Variants in SYNE2 observed in about 807,000 individuals in gnomAD.
SYNE2 encodes nesprin-2.
SYNE2 carries 431 observed loss-of-function variants against 856.3 expected under a neutral mutation model. That is an observed-to-expected ratio of 0.50 (90% confidence interval 0.47 to 0.55). SYNE2 has a LOEUF of 0.55. SYNE2 is among the 20% of genes least tolerant of loss of function. SYNE2 has a pLI of 0.00. For synonymous variants in SYNE2, 2,923 were observed against 2,872.3 expected, an observed-to-expected ratio of 1.02 and a Z score of -0.56; for missense variants, 8,129 against 8,023.2, an observed-to-expected ratio of 1.01 and a Z score of -0.50.
At chr14:63,885,480 G>T (rs1239011395) in intron 1 of SYNE2, among the ~76,000 whole-genome samples, 2 of 152,156 alleles carry the variant, frequency 1.3e-5, no homozygotes, top group Admixed American at 1.3e-4. Flanking sequence ...ATTGCCTGTT[G>T]CAGCCTCAAC....
At chr14:63,949,710 A>T in intron 6 of SYNE2, 115 bp from the exon 7 acceptor site, 1 of 1,016,724 alleles carries the variant, frequency 9.8e-7, no homozygotes, top group Non-Finnish European at 1.6e-6. Context: ...TTTCACCAGG[A>T]GTAAACTATG....
intron 73 of SYNE2, among the ~76,000 whole-genome samples, 169 bp from the exon 74 acceptor site, chr14:64,128,283 C>T (rs1357367606): frequency 6.6e-6 from 1 of 151,952 alleles, no homozygotes; most frequent in Admixed American, 6.6e-5. Flanking sequence ...AGAAGGTCAG[C>T]CATGAATCAA....
intron 92 of SYNE2, 99 bp from the exon 93 acceptor site, chr14:64,168,778 A>G: frequency 1.2e-6 from 1 of 846,282 alleles, no homozygotes; most frequent in Non-Finnish European, 2.0e-6. Context: ...ATTATCCCTC[A>G]TATCCTTTGT....
intron 1 of SYNE2, among the ~76,000 whole-genome samples, chr14:63,876,259 A>AG (rs1211206374): frequency 6.6e-6 from 1 of 151,384 alleles, no homozygotes; most frequent in Non-Finnish European, 1.5e-5. Flanking sequence ...CAAAAAAAAA[A>AG]AAAAAAAGTT....
Position 63,948,780 on chromosome 14 carries a change from G to GTA in SYNE2, c.409-1044_409-1043insAT, listed in dbSNP as rs1432911343. 8.5e-3 allele frequency among the ~76,000 whole-genome samples: 694 copies of GTA among 81,726 alleles called. 5 individuals are homozygous for GTA. The highest frequency in any genetic ancestry group is 1.0e-2 in the Non-Finnish European group (421 of 42,240). 53.6% of individuals were successfully genotyped at this position (81,726 alleles called of 152,430 possible). On this transcript the variant is annotated intron_variant, in intron 6 of 115. Coordinates refer to ENST00000555002, the MANE Select transcript of SYNE2 (RefSeq NM_182914.3). ...TATATGTATATATATGTATGTGTGT[G>GTA]TGTATATATATATATATATATATAT...
chr14:64,146,280 C>T, intron 84 of SYNE2, 57 bp downstream of exon 84: 4 of 1,496,734 alleles, frequency 2.7e-6, no homozygotes, highest in Non-Finnish European at 3.6e-6. Context: ...TCGGTCACCT[C>T]TCTTGCCCCG....
chr14:64,175,238 A>G, intron 95 of SYNE2, 100 bp downstream of exon 95: 1 of 1,363,242 alleles, frequency 7.3e-7, no homozygotes, highest in Non-Finnish European at 1.0e-6. Flanking sequence ...AAACTATAGT[A>G]TCATGAGTTT....
intron 63 of SYNE2, 143 bp from the exon 64 acceptor site, chr14:64,101,789 A>G (rs957384465): frequency 1.2e-5 from 8 of 671,816 alleles, no homozygotes; most frequent in Non-Finnish European, 2.2e-5. Flanking sequence ...ACAGATAAAA[A>G]AATGGGGGAG....
chr14:64,221,553 G>C (rs751323606), intron 111 of SYNE2, 23 bp from the exon 112 acceptor site: 1 of 1,614,044 alleles, frequency 6.2e-7, no homozygotes, highest in South Asian at 1.1e-5. Flanking sequence ...ACACGGCCGC[G>C]CTCTGATGTG....
chr14:63,975,889 T>C (rs1443180266), intron 11 of SYNE2, among the ~76,000 whole-genome samples: 1 of 152,112 alleles, frequency 6.6e-6, no homozygotes, highest in Non-Finnish European at 1.5e-5. Flanking sequence ...TGAATGAACG[T>C]GTGAGTGAGT....
chr14:63,981,019 T>C lies in SYNE2; in HGVS notation c.1682T>C (p.Met561Thr). 2.5e-6 allele frequency: 4 copies of C among 1,571,902 alleles called. No homozygotes were observed. Among genetic ancestry groups the C allele is most frequent in the Non-Finnish European group, 3.5e-6 (4 of 1,142,796 alleles). Reference protein sequence around the residue: ...GECQNINKQYMMVKSDVCMYR... With the variant: ...GECQNINKQYTMVKSDVCMYR... ...TGTCAGAATATTAATAAACAGTATATGATGGTGAAATCTGATGTTTGTATG... is the reference window on the plus strand; with the variant it reads ...TGTCAGAATATTAATAAACAGTATACGATGGTGAAATCTGATGTTTGTATG... Residue 561 changes from methionine (M) to threonine (T), a missense_variant, in exon 16 of 116, where the codon ATG becomes ACG. Met to Thr is a moderately conservative substitution (Grantham distance 81, BLOSUM62 -1). Around this residue, in one of 3 missense-constraint regions of SYNE2, gnomAD observed 2,422 missense variants for 2,357.4 expected, o/e 1.03. Transcript: ENST00000555002.
At chr14:64,138,521 A>T (rs1405222990) in intron 79 of SYNE2, among the ~76,000 whole-genome samples, 2 of 152,222 alleles carry the variant, frequency 1.3e-5, no homozygotes, top group Non-Finnish European at 2.9e-5. Context: ...GGTGTAAGCC[A>T]CTGCACCCAG....
Position 64,024,793 on chromosome 14 carries a change from T to C in SYNE2, c.5841-119T>C, listed in dbSNP as rs910529934. 2.8e-6 allele frequency: 3 copies of C among 1,078,984 alleles called. No homozygotes were observed. In the African/African-American group the frequency reaches 4.8e-5, roughly 17 times the overall value. The allele number at this position is 1,078,984 out of a possible 1,614,324, so 66.8% of individuals were successfully genotyped here. A position where few individuals can be genotyped will look rare whatever the true frequency, so the allele number is the denominator to read the frequency against. Reference sequence around the variant, plus strand: ...TTTATATTACAAATTAAATTCTCTCTAAATTATAACAAACATATTATAAAA... The same window carrying C: ...TTTATATTACAAATTAAATTCTCTCCAAATTATAACAAACATATTATAAAA... On this transcript the variant is annotated intron_variant, in intron 39 of 115. Coordinates refer to ENST00000555002, the MANE Select transcript of SYNE2 (RefSeq NM_182914.3).
intron 84 of SYNE2, among the ~76,000 whole-genome samples, chr14:64,149,457 A>G (rs1337975447): frequency 1.3e-5 from 2 of 152,220 alleles, no homozygotes; most frequent in African/African-American, 4.8e-5. Flanking sequence ...TGAAGCATGA[A>G]GACATTAGGA....
intron 79 of SYNE2, among the ~76,000 whole-genome samples, chr14:64,138,586 G>T (rs1471641762): frequency 1.3e-5 from 2 of 152,008 alleles, no homozygotes; most frequent in Non-Finnish European, 2.9e-5. Flanking sequence ...TAATATATAG[G>T]TTACCTTTAT....
At chr14:63,840,471 TTCCTTTTCCCTCCCTCCCTTCCC>T (rs1380517487) in intron 1 of SYNE2, among the ~76,000 whole-genome samples, 3 of 139,588 alleles carry the variant, frequency 2.1e-5, no homozygotes, top group Admixed American at 7.3e-5. Context: ...CCCTCCTTCC[TTCCTTTTCCCTCCCTCCCTTCCC>T]TCCTCCTTCC....
In SYNE2 at chr14:64,223,051, T is replaced by C. The variant is rs914286059; in HGVS notation, c.20191-138T>C. 1.4e-5 allele frequency: 11 copies of C among 805,068 alleles called. No individual in the cohort carries two copies. In the Middle Eastern group the frequency reaches 1.1e-3, roughly 77 times the overall value. 49.9% of individuals were successfully genotyped at this position (805,068 alleles called of 1,614,324 possible). A position where few individuals can be genotyped will look rare whatever the true frequency, so the allele number is the denominator to read the frequency against. ...CTGGGCTGGAGGACACAGGCAGATA[T>C]GAGAAATAGAGGATTCTCGAGTTGA... On this transcript the variant is annotated intron_variant, in intron 112 of 115. Transcript: ENST00000555002.
At chr14:64,168,701 A>G (rs887603296) in intron 92 of SYNE2, among the ~76,000 whole-genome samples, 176 bp from the exon 93 acceptor site, 5 of 152,206 alleles carry the variant, frequency 3.3e-5, no homozygotes, top group Non-Finnish European at 5.9e-5. Context: ...TTAAGAATAT[A>G]TTCGTAGGTG....
At chr14:64,169,630 T>C (rs969826281) in intron 93 of SYNE2, among the ~76,000 whole-genome samples, 2 of 152,220 alleles carry the variant, frequency 1.3e-5, no homozygotes, top group Non-Finnish European at 2.9e-5. Flanking sequence ...TCTTTCAGCA[T>C]AACTAAGAAA....
Sources: gnomAD v4.1 joint callset for allele counts (sites outside exome capture counted in the v4.1 genomes callset) on GRCh38, gnomAD v4.1.1 for gene constraint, gnomAD v4.1.1 regional missense constraint, MANE v1.5 for transcripts, NCBI Gene and HGNC (gene_info 2026-07-23, HGNC 2026-07-21) for gene names.